Variants in TIAM2 observed in about 807,000 individuals in gnomAD.
TIAM2 encodes the protein rho guanine nucleotide exchange factor TIAM2.
In TIAM2, 80 loss-of-function variants were observed where a neutral mutation model predicts 152.9. The ratio of observed to expected loss-of-function variants is 0.52; its 90% CI spans 0.44 to 0.63. TIAM2 has a LOEUF of 0.63. TIAM2 is among the 30% of genes least tolerant of loss of function. TIAM2 has a pLI of 0.00. For synonymous variants in TIAM2, 804 were observed against 838.0 expected, an observed-to-expected ratio of 0.96 and a Z score of 0.70; for missense variants, 1,965 against 2,120.1, an observed-to-expected ratio of 0.93 and a Z score of 1.44.
chr6:155,182,470 G>C, intron 13 of TIAM2, 152 bp downstream of exon 13: 1 of 686,106 alleles, frequency 1.5e-6, no homozygotes, highest in Non-Finnish European at 2.4e-6. Flanking sequence ...TTGGAAATGC[G>C]ACCAAACACA....
At chr6:155,155,913 C>T (rs1267781651) in intron 7 of TIAM2, among the ~76,000 whole-genome samples, 2 of 152,186 alleles carry the variant, frequency 1.3e-5, no homozygotes, top group Admixed American at 6.5e-5. Context: ...GTGACAGTGG[C>T]ACTGCTAGAG....
At chr6:155,178,566 GTATT>G (rs200721004) in intron 10 of TIAM2, among the ~76,000 whole-genome samples, 1,627 of 151,878 alleles carry the variant, frequency 0.011, 34 homozygotes, top group African/African-American at 0.037. Context: ...TTGCATACAA[GTATT>G]TATTTATTTA....
rs749309959 is a variant in TIAM2, at chr6:155,257,145, T to C, written c.*24T>C. On this transcript the variant is annotated 3_prime_UTR_variant, in exon 27 of 27. Transcript: ENST00000682666. ...AGTATGATTCAATCCAGATATGGGT[T>C]AAATTCCTCATTTTACTTTTAAACT... 3 of 1,584,422 alleles carry C rather than the reference T, an allele frequency of 1.9e-6. No homozygotes were observed. Among genetic ancestry groups the C allele is most frequent in the Admixed American group, 3.4e-5 (2 of 58,498 alleles).
chr6:155,254,594 G>A, intron 26 of TIAM2, 21 bp downstream of exon 26: 23 of 1,604,260 alleles, frequency 1.4e-5, no homozygotes, highest in Non-Finnish European at 2.0e-5. Context: ...TGCTAGCCTT[G>A]TGTTTATTCA....
intron 15 of TIAM2, among the ~76,000 whole-genome samples, chr6:155,220,772 AATTATT>A (rs575100385): frequency 5.3e-5 from 8 of 152,158 alleles, no homozygotes; most frequent in Non-Finnish European, 1.2e-4. Context: ...CTCTTTTTAA[AATTATT>A]ATTATACTTT....
At position 155,072,706 on chromosome 6, in the gene TIAM2, C is replaced by T. The variant is rs554224783; in HGVS notation, c.-208-17583C>T. On this transcript the variant is annotated intron_variant, in intron 1 of 26. Transcript: ENST00000682666. The stretch of plus-strand genomic sequence containing the variant: ...GGTTGTCGTCAATGATAGTGAAAGC[C>T]GTGAAGTCAGCCTGGAAGAGAATAT... Among the ~76,000 whole-genome samples, 16 of 152,100 alleles carry T rather than the reference C, an allele frequency of 1.1e-4. No homozygotes were observed. The East Asian group carries it at 1.2e-3, about 11-fold the overall frequency.
chr6:155,148,761 CA>C (rs929845292), intron 7 of TIAM2, among the ~76,000 whole-genome samples: 1 of 151,856 alleles, frequency 6.6e-6, no homozygotes, highest in Admixed American at 6.6e-5. Context: ...CTATGGATTG[CA>C]AAAAAACAGT....
intron 1 of TIAM2, among the ~76,000 whole-genome samples, chr6:155,037,640 T>C (rs1776946897): frequency 6.6e-6 from 1 of 152,156 alleles, no homozygotes; most frequent in Admixed American, 6.5e-5. Flanking sequence ...GCAGTTCTCC[T>C]GCCTCAGCCT....
At position 155,129,382 on chromosome 6, in the gene TIAM2, A is replaced by G. The variant is rs1779379434; in HGVS notation, c.159A>G (p.Ala53=). Residue 53 remains alanine (A), a synonymous_variant, in exon 4 of 27, where the codon GCA becomes GCG. Transcript: ENST00000682666. This position sits in a 1 kb window ranked among gnomAD's most constrained non-coding sequence, Gnocchi z 4.8. ...GATGGGGTCACGGAAGCAACGGAGC[A>G]GGTTACAAGTCCAGGTCCCTGGCCC... ...LHGWGHGSNG[A]GYKSRSLARS... 6 of 1,614,230 alleles carry G rather than the reference A, an allele frequency of 3.7e-6. No homozygotes were observed. The highest frequency in any genetic ancestry group is 5.1e-6 in the Non-Finnish European group (6 of 1,180,046).
chr6:155,256,879 G>C lies in TIAM2; in HGVS notation c.4864G>C (p.Gly1622Arg). The C allele has an allele frequency of 1.2e-6, 2 of 1,614,234 alleles. No homozygotes were observed. The highest frequency in any genetic ancestry group is 1.7e-6 in the Non-Finnish European group (2 of 1,180,046). The part of the protein sequence containing the change: ...GPESGEGQKG[G>R]EQPKLVRGHF... ...GGAGTCGGGTGAGGGTCAGAAAGGA[G>C]GAGAGCAGCCCAAACTGGTCCGGGG... Residue 1622 changes from glycine to arginine, a missense_variant, in exon 27 of 27, where the codon GGA becomes CGA. Physicochemically the swap from Gly to Arg is moderately radical, Grantham distance 125. Around this residue, in one of 3 missense-constraint regions of TIAM2, gnomAD observed 935 missense variants for 980.0 expected, o/e 0.95. Coordinates refer to ENST00000682666, the MANE Select transcript of TIAM2 (RefSeq NM_012454.4).
intron 1 of TIAM2, among the ~76,000 whole-genome samples, chr6:155,075,478 T>A (rs1430585236): frequency 4.0e-5 from 6 of 151,818 alleles, no homozygotes; most frequent in African/African-American, 1.5e-4. Context: ...CACTGGGGAG[T>A]CCCTAGGATT....
rs539005407 is a variant in TIAM2 at position 155,144,531 on chromosome 6, T to C, written c.1631-75T>C. 24 of 1,381,830 alleles carry C rather than the reference T, an allele frequency of 1.7e-5. No individual in the cohort carries two copies. In the South Asian group the frequency reaches 4.3e-4, roughly 25 times the overall value. The allele number at this position is 1,381,830 out of a possible 1,614,324, so 85.6% of individuals were successfully genotyped here. A position where few individuals can be genotyped will look rare whatever the true frequency, so the allele number is the denominator to read the frequency against. On this transcript the variant is annotated intron_variant, in intron 5 of 26. Transcript: ENST00000682666. ...TCACTCAGGTGTTTTTAAAAAAGTG[T>C]GTCACTTACCCTCCCAGTCCTTTCC...
intron 2 of TIAM2, among the ~76,000 whole-genome samples, chr6:155,117,820 C>T (rs1779050740): frequency 6.6e-6 from 1 of 152,186 alleles, no homozygotes; most frequent in Admixed American, 6.5e-5. Flanking sequence ...AGCTGATGAG[C>T]TCCTTTGGGA....
intron 2 of TIAM2, among the ~76,000 whole-genome samples, chr6:155,099,019 C>G (rs1778486782): frequency 6.6e-6 from 1 of 152,150 alleles, no homozygotes; most frequent in Admixed American, 6.6e-5. Flanking sequence ...GAAACTCCAT[C>G]TTTACTAAAA....
At chr6:155,055,041 T>C (rs1486709043) in intron 1 of TIAM2, among the ~76,000 whole-genome samples, 1 of 152,164 alleles carries the variant, frequency 6.6e-6, no homozygotes, top group African/African-American at 2.4e-5. Context: ...TGGGACATGA[T>C]TTTTGGCTGT....
At chr6:155,088,052 C>CTTTTTTTTTTTTTT (rs113372173) in intron 1 of TIAM2, among the ~76,000 whole-genome samples, 110 of 118,926 alleles carry the variant, frequency 9.2e-4, no homozygotes, top group Non-Finnish European at 1.2e-3. Flanking sequence ...TTCTTTCTTT[C>CTTTTTTTTTTTTTT]TTTTTTTTTT....
chr6:155,104,903 G>A (rs1778647073), intron 2 of TIAM2, among the ~76,000 whole-genome samples: 1 of 152,180 alleles, frequency 6.6e-6, no homozygotes, highest in South Asian at 2.1e-4. Context: ...AGGCTTATCT[G>A]TCTATGGTAG....
chr6:155,113,803 G>C (rs1187294957), intron 2 of TIAM2, among the ~76,000 whole-genome samples: 1 of 151,740 alleles, frequency 6.6e-6, no homozygotes, highest in African/African-American at 2.4e-5. Flanking sequence ...ATACTTCTTT[G>C]GATGGGGGTC....
At chr6:155,047,078 T>TA (rs1777191051) in intron 1 of TIAM2, among the ~76,000 whole-genome samples, 1 of 152,018 alleles carries the variant, frequency 6.6e-6, no homozygotes, top group Non-Finnish European at 1.5e-5. Flanking sequence ...TGTGCTTTTT[T>TA]AATCCCGCCT....
Sources: allele counts gnomAD v4.1 joint callset (sites outside exome capture counted in the v4.1 genomes callset), GRCh38; gene constraint gnomAD v4.1.1; regional missense constraint gnomAD v4.1.1; non-coding constraint Gnocchi (gnomAD v3.1); transcripts MANE v1.5; gene names NCBI Gene and HGNC (gene_info 2026-07-23, HGNC 2026-07-21).